PTPRG: variants seen among roughly 807,000 people sequenced by gnomAD.
PTPRG encodes protein tyrosine phosphatase receptor type G.
Under a neutral mutation model 165.3 loss-of-function variants are expected in PTPRG, and 102 were observed. The ratio of observed to expected loss-of-function variants is 0.62; its 90% CI spans 0.53 to 0.73. PTPRG has a LOEUF of 0.73. PTPRG is among the 30% of genes least tolerant of loss of function. The pLI, the probability that PTPRG is intolerant of heterozygous loss-of-function variation, is 0.00. For synonymous variants in PTPRG, 675 were observed against 669.5 expected (o/e 1.01, Z -0.13); for missense variants, 1,866 against 1,861.4 (o/e 1.00, Z -0.05).
At chr3:62,183,542 C>T (rs1459277099) in intron 8 of PTPRG, among the ~76,000 whole-genome samples, 12 of 144,144 alleles carry the variant, frequency 8.3e-5, no homozygotes, top group African/African-American at 1.5e-4. Context: ...CCAGCCTAGG[C>T]GACAGAGTGA....
intron 5 of PTPRG, among the ~76,000 whole-genome samples, chr3:62,103,468 G>A (rs1357367980): frequency 2.0e-5 from 3 of 152,172 alleles, no homozygotes; most frequent in Non-Finnish European, 2.9e-5. Flanking sequence ...CCGGTCTCAC[G>A]GTTTTTAAAC....
intron 2 of PTPRG, among the ~76,000 whole-genome samples, chr3:61,766,932 A>G (rs1470782717): frequency 6.6e-6 from 1 of 151,512 alleles, no homozygotes; most frequent in Non-Finnish European, 1.5e-5. Flanking sequence ...GCCATTGATT[A>G]TTAAACATGT....
At chr3:62,204,078 C>T in intron 12 of PTPRG, 128 bp downstream of exon 12, 2 of 1,404,574 alleles carry the variant, frequency 1.4e-6, no homozygotes, top group Non-Finnish European at 1.9e-6. Flanking sequence ...ATATGTCTGT[C>T]ATAGAAAAGG....
intron 2 of PTPRG, among the ~76,000 whole-genome samples, chr3:61,914,161 A>G (rs759404931): frequency 1.3e-5 from 2 of 152,204 alleles, no homozygotes; most frequent in Admixed American, 6.5e-5. Flanking sequence ...TTAGGTCAAC[A>G]TTAAAGATTC....
intron 1 of PTPRG, among the ~76,000 whole-genome samples, chr3:61,669,991 C>T (rs1015506702): frequency 2.0e-5 from 3 of 152,136 alleles, no homozygotes; most frequent in Non-Finnish European, 2.9e-5. Flanking sequence ...ACTTCTGTCC[C>T]CACCCTGGCT....
intron 1 of PTPRG, among the ~76,000 whole-genome samples, chr3:61,717,298 C>CT (rs1365191466): frequency 1.3e-5 from 2 of 152,132 alleles, no homozygotes; most frequent in Non-Finnish European, 2.9e-5. Flanking sequence ...GACCCTAACC[C>CT]TTTGAGGTAC....
At chr3:62,094,823 C>T (rs1210032658) in intron 5 of PTPRG, among the ~76,000 whole-genome samples, 1 of 152,158 alleles carries the variant, frequency 6.6e-6, no homozygotes, top group Admixed American at 6.5e-5. Context: ...GCTGCTGAAA[C>T]TTTTTAGAAG....
At chr3:61,870,071 C>T (rs1284571991) in intron 2 of PTPRG, among the ~76,000 whole-genome samples, 2 of 151,582 alleles carry the variant, frequency 1.3e-5, no homozygotes, top group Non-Finnish European at 1.5e-5. Flanking sequence ...CCTCCCAGTA[C>T]CATCACCTTG....
chr3:61,867,457 C>T (rs2037443786), intron 2 of PTPRG, among the ~76,000 whole-genome samples: 1 of 152,162 alleles, frequency 6.6e-6, no homozygotes, highest in Admixed American at 6.6e-5. Context: ...TTCTTTCCCT[C>T]CTTTTTATTT....
chr3:61,793,939 A>G (rs141561559), intron 2 of PTPRG, among the ~76,000 whole-genome samples: 2 of 152,338 alleles, frequency 1.3e-5, no homozygotes, highest in African/African-American at 2.4e-5. Flanking sequence ...AAGTTCTTCC[A>G]TGGCATGTTG....
chr3:61,595,680 C>G (rs1181077913), intron 1 of PTPRG, among the ~76,000 whole-genome samples: 5 of 152,198 alleles, frequency 3.3e-5, no homozygotes, highest in Non-Finnish European at 7.3e-5. Context: ...CTCAGTGGGA[C>G]TGTCTAATAT....
intron 4 of PTPRG, among the ~76,000 whole-genome samples, chr3:62,068,493 T>C (rs780751773): frequency 2.6e-5 from 4 of 152,182 alleles, no homozygotes; most frequent in Non-Finnish European, 4.4e-5. Context: ...TGTTTTTAAT[T>C]GAAGCAGAGT....
chr3:61,858,576 A>C lies in PTPRG; in HGVS notation c.190+109594A>C, dbSNP rs74784519. 3.1e-3 allele frequency among the ~76,000 whole-genome samples: 479 copies of C among 152,264 alleles called. 1 individual carries two copies. Among genetic ancestry groups the C allele is most frequent in the African/African-American group, 0.011 (450 of 41,564 alleles). ...CATTATAGAAAAAGGCATTTTTTTA[A>C]AGCTTTTCTGGAATATTAGGTGTTC... is the stretch of plus-strand genomic sequence containing the variant. On this transcript the variant is annotated intron_variant, in intron 2 of 29. Coordinates refer to ENST00000474889, the MANE Select transcript of PTPRG (RefSeq NM_002841.4).
At chr3:61,972,247 A>C (rs1051128838) in intron 2 of PTPRG, among the ~76,000 whole-genome samples, 1 of 152,242 alleles carries the variant, frequency 6.6e-6, no homozygotes, top group African/African-American at 2.4e-5. Flanking sequence ...AAAGGACAGC[A>C]AGGTGGCCTG....
intron 6 of PTPRG, among the ~76,000 whole-genome samples, chr3:62,140,381 A>G (rs1326187464): frequency 6.6e-6 from 1 of 152,236 alleles, no homozygotes; most frequent in Non-Finnish European, 1.5e-5. Context: ...GGGAACACAG[A>G]TATAGAAGTT....
intron 1 of PTPRG, among the ~76,000 whole-genome samples, chr3:61,718,716 G>A (rs1017527462): frequency 6.6e-6 from 1 of 152,190 alleles, no homozygotes; most frequent in African/African-American, 2.4e-5. Flanking sequence ...GTGGCCCAGA[G>A]ACTCATAAGA....
intron 2 of PTPRG, among the ~76,000 whole-genome samples, chr3:61,842,393 C>G (rs1184437152): frequency 6.6e-6 from 1 of 152,174 alleles, no homozygotes; most frequent in Non-Finnish European, 1.5e-5. Flanking sequence ...TGACTCAAGT[C>G]TTCAGTCTGC....
chr3:61,798,058 T>C (rs934830775), intron 2 of PTPRG, among the ~76,000 whole-genome samples: 1 of 152,220 alleles, frequency 6.6e-6, no homozygotes, highest in Admixed American at 6.5e-5. Context: ...ACAGTTATGG[T>C]TGAATAATTT....
intron 1 of PTPRG, among the ~76,000 whole-genome samples, chr3:61,646,421 A>G (rs1234072619): frequency 6.6e-6 from 1 of 152,128 alleles, no homozygotes; most frequent in African/African-American, 2.4e-5. Context: ...CAGATCATCT[A>G]ATTCTTAATT....
Sources: allele counts gnomAD v4.1 joint callset (sites outside exome capture counted in the v4.1 genomes callset), GRCh38; gene constraint gnomAD v4.1.1; transcripts MANE v1.5; gene names NCBI Gene and HGNC (gene_info 2026-07-23, HGNC 2026-07-21).